Variants in RSU1 observed in about 807,000 individuals in gnomAD.
The protein encoded by RSU1 is rsu-1.
A neutral mutation model predicts 31.1 loss-of-function variants in RSU1; 26 were observed. That is an observed-to-expected ratio of 0.84 (90% CI 0.61 to 1.16). The LOEUF is 1.16. Among genes scored for constraint, RSU1 ranks in the 50% most tolerant of loss-of-function variants. The pLI is 0.00. For synonymous variants in RSU1, 164 were observed against 136.3 expected (o/e 1.20, Z -1.41); for missense variants, 320 against 339.1 (o/e 0.94, Z 0.44).
chr10:16,799,437 G>C (rs115487115), intron 2 of RSU1, among the ~76,000 whole-genome samples: 1 of 152,072 alleles, frequency 6.6e-6, no homozygotes, highest in Non-Finnish European at 1.5e-5. Context: ...GCCAGCAACC[G>C]GTAGGAATGC....
chr10:16,746,828 A>G (rs984654188), intron 7 of RSU1, among the ~76,000 whole-genome samples: 2 of 152,134 alleles, frequency 1.3e-5, no homozygotes, highest in African/African-American at 4.8e-5. Flanking sequence ...AAAAGGGGTG[A>G]AAGTTCAGTT....
intron 8 of RSU1, among the ~76,000 whole-genome samples, chr10:16,655,073 AAAGAGAG>A (rs58267259): frequency 0.24 from 31,369 of 132,920 alleles, 3,851 homozygotes; most frequent in African/African-American, 0.26. Flanking sequence ...AAAAAAAAAA[AAAGAGAG>A]AGAGAGAGAG....
chr10:16,712,114 T>G (rs1043254450), intron 7 of RSU1, among the ~76,000 whole-genome samples: 20 of 152,164 alleles, frequency 1.3e-4, no homozygotes, highest in African/African-American at 4.8e-4. Flanking sequence ...GTTTTTGACT[T>G]AAAATCTGTC....
intron 8 of RSU1, among the ~76,000 whole-genome samples, chr10:16,604,400 G>A (rs1172051565): frequency 2.0e-5 from 3 of 152,136 alleles, no homozygotes; most frequent in South Asian, 4.1e-4. Context: ...GTAGGGACCA[G>A]CGGCTGTGAG....
intron 8 of RSU1, among the ~76,000 whole-genome samples, chr10:16,642,569 G>C (rs1032026373): frequency 3.3e-5 from 5 of 152,086 alleles, no homozygotes; most frequent in Non-Finnish European, 7.4e-5. Context: ...TAATATGGTA[G>C]GTAAACAAAG....
chr10:16,729,492 A>C (rs1371765616), intron 7 of RSU1, among the ~76,000 whole-genome samples: 6 of 152,162 alleles, frequency 3.9e-5, no homozygotes, highest in African/African-American at 1.4e-4. Context: ...AAGGCTAGAT[A>C]GTCAAGGAAG....
intron 4 of RSU1, among the ~76,000 whole-genome samples, chr10:16,756,615 G>A (rs778442746): frequency 1.6e-4 from 24 of 152,184 alleles, no homozygotes; most frequent in Non-Finnish European, 2.9e-4. Flanking sequence ...TAAGAATGCA[G>A]AATAGAATAC....
chr10:16,705,347 C>T (rs1309817084), intron 7 of RSU1, among the ~76,000 whole-genome samples: 2 of 152,062 alleles, frequency 1.3e-5, no homozygotes, highest in Non-Finnish European at 2.9e-5. Flanking sequence ...TTCATATAAC[C>T]TATACACATC....
chr10:16,631,031 ATTTC>A (rs758959108), intron 8 of RSU1, among the ~76,000 whole-genome samples: 5 of 152,212 alleles, frequency 3.3e-5, no homozygotes, highest in African/African-American at 4.8e-5. Context: ...GTTTAAAAAC[ATTTC>A]TTTCTTATTT....
At chr10:16,792,039 G>GA (rs1236379398) in intron 2 of RSU1, among the ~76,000 whole-genome samples, 1 of 152,142 alleles carries the variant, frequency 6.6e-6, no homozygotes, top group African/African-American at 2.4e-5. Flanking sequence ...AATGAGGCCT[G>GA]AAAACACACA....
At chr10:16,793,430 C>G (rs1358871616) in intron 2 of RSU1, among the ~76,000 whole-genome samples, 1 of 152,128 alleles carries the variant, frequency 6.6e-6, no homozygotes, top group East Asian at 1.9e-4. Context: ...GAGAACCCCC[C>G]ATGAGCTGGT....
At chr10:16,601,198 A>ACC (rs897112912) in intron 8 of RSU1, among the ~76,000 whole-genome samples, 2 of 152,082 alleles carry the variant, frequency 1.3e-5, no homozygotes, top group Non-Finnish European at 2.9e-5. Flanking sequence ...AGAGTCCCTC[A>ACC]CCCCACCTTC....
At chr10:16,732,905 G>T (rs1297337354) in intron 7 of RSU1, among the ~76,000 whole-genome samples, 1 of 152,090 alleles carries the variant, frequency 6.6e-6, no homozygotes, top group East Asian at 1.9e-4. Context: ...AAAGCTCTTG[G>T]TTAACTTCCA....
At position 16,782,097 on chromosome 10, in the gene RSU1, G is replaced by C; in HGVS notation, c.110-13C>G. Reference sequence around the variant, plus strand: ...TGGGATAAGGTAACTAAAAAGAAAAGAAAAAAAAAAAGGTCAGTCAGTAAA... The same window carrying C: ...TGGGATAAGGTAACTAAAAAGAAAACAAAAAAAAAAAGGTCAGTCAGTAAA... On this transcript the variant is annotated splice_polypyrimidine_tract_variant and intron_variant, in intron 2 of 8. Transcript: ENST00000345264. 1 of 1,243,390 alleles carries C rather than the reference G, an allele frequency of 8.0e-7. No individual in the cohort carries two copies. The highest frequency in any genetic ancestry group is 1.1e-6 in the Non-Finnish European group (1 of 925,318). The allele number at this position is 1,243,390 out of a possible 1,614,324, so 77.0% of individuals were successfully genotyped here.
At chr10:16,672,627 T>C (rs1490203501) in intron 8 of RSU1, among the ~76,000 whole-genome samples, 1 of 151,620 alleles carries the variant, frequency 6.6e-6, no homozygotes, top group Admixed American at 6.6e-5. Context: ...TTTTTTTAAA[T>C]AGAGTACACA....
intron 2 of RSU1, among the ~76,000 whole-genome samples, chr10:16,813,799 T>C (rs541804947): frequency 8.9e-4 from 135 of 152,338 alleles, no homozygotes; most frequent in African/African-American, 3.0e-3. Context: ...ACCTGTCTGA[T>C]ACCTGTCTCC....
chr10:16,725,736 T>C (rs1413289014), intron 7 of RSU1, among the ~76,000 whole-genome samples: 1 of 150,722 alleles, frequency 6.6e-6, no homozygotes, highest in Non-Finnish European at 1.5e-5. Flanking sequence ...ATCTCAGGCT[T>C]CCCAGCCCCC....
intron 8 of RSU1, among the ~76,000 whole-genome samples, chr10:16,680,772 G>C (rs1835316501): frequency 1.3e-5 from 2 of 152,264 alleles, no homozygotes; most frequent in South Asian, 4.1e-4. Flanking sequence ...CACCTCCAAT[G>C]CTGGGGATTG....
In RSU1 at chr10:16,764,503, T is replaced by G. The variant is rs758918488; in HGVS notation, c.168A>C (p.Pro56=). 6.2e-7 allele frequency: 1 copy of G among 1,613,146 alleles called. No homozygotes were observed. The change falls in exon 4 of 9, where the codon CCA becomes CCC. Residue 56 remains proline, a synonymous_variant. Transcript: ENST00000345264. ...AATTCTTCAGTTCTGCGATGTTCGG[T>G]GGCACCACTATGGAAACAAAAATGC... is the stretch of plus-strand genomic sequence containing the variant. ...VLSHNKLTMV[P]PNIAELKNLE...
Sources: gnomAD v4.1 joint callset for allele counts (sites outside exome capture counted in the v4.1 genomes callset) on GRCh38, gnomAD v4.1.1 for gene constraint, MANE v1.5 for transcripts, NCBI Gene and HGNC (gene_info 2026-07-23, HGNC 2026-07-21) for gene names.